Variants in RHOA observed in about 807,000 individuals in gnomAD.
RHOA encodes transforming protein RhoA.
RHOA carries 3 observed loss-of-function variants against 17.5 expected under a neutral mutation model. The observed-to-expected ratio is 0.17, with a 90% confidence interval of 0.08 to 0.44. RHOA has a LOEUF of 0.44. Among genes scored for constraint, RHOA ranks in the 20% least tolerant of loss-of-function variants. The pLI is 0.99. For missense variants in RHOA, 56 were observed against 242.3 expected (o/e 0.23, Z 5.10); for synonymous variants, 98 against 88.4 (o/e 1.11, Z -0.61).
At chr3:49,385,968 T>G (rs1431524666) in intron 1 of RHOA, among the ~76,000 whole-genome samples, 1 of 152,206 alleles carries the variant, frequency 6.6e-6, no homozygotes, top group Non-Finnish European at 1.5e-5. Flanking sequence ...ACCACAGTCT[T>G]GATTACTGTT....
chr3:49,382,916 G>A (rs1224516277), intron 1 of RHOA, among the ~76,000 whole-genome samples: 2 of 151,816 alleles, frequency 1.3e-5, no homozygotes, highest in Admixed American at 1.3e-4. Context: ...TTAGGTGGGC[G>A]TGGTGGTGGG....
chr3:49,365,664 C>G (rs2048043867), intron 3 of RHOA, among the ~76,000 whole-genome samples: 1 of 148,702 alleles, frequency 6.7e-6, no homozygotes, highest in Non-Finnish European at 1.5e-5. Flanking sequence ...GATCTCGGCT[C>G]ACTGCAACCT....
At chr3:49,395,051 C>T (rs1042063130) in intron 1 of RHOA, among the ~76,000 whole-genome samples, 1 of 151,324 alleles carries the variant, frequency 6.6e-6, no homozygotes, top group Admixed American at 6.6e-5. Context: ...AGATCGAGAC[C>T]ATCTTGGCTA....
At chr3:49,375,363 T>C (rs1259359475) in intron 2 of RHOA, 71 bp downstream of exon 2, 3 of 1,468,080 alleles carry the variant, frequency 2.0e-6, no homozygotes, top group Admixed American at 4.3e-5. Context: ...CAAAAAGCTC[T>C]AATTCTCTAC....
At chr3:49,364,488 AAAC>A (rs1419577666) in intron 3 of RHOA, among the ~76,000 whole-genome samples, 1 of 151,806 alleles carries the variant, frequency 6.6e-6, no homozygotes, top group African/African-American at 2.4e-5. Context: ...TCCGTCTCAA[AAAC>A]AACAAAACAA....
intron 1 of RHOA, among the ~76,000 whole-genome samples, chr3:49,409,929 G>A (rs2048904341): frequency 1.3e-5 from 2 of 152,018 alleles, no homozygotes; most frequent in Admixed American, 6.6e-5. Context: ...TAAAGTGTAG[G>A]CCTTGCTCTA....
At chr3:49,371,281 G>GTT (rs34744152) in intron 2 of RHOA, among the ~76,000 whole-genome samples, 31 of 138,708 alleles carry the variant, frequency 2.2e-4, no homozygotes, top group African/African-American at 4.5e-4. Flanking sequence ...ATTGCCTACT[G>GTT]TTTTTTTTTT....
intron 1 of RHOA, among the ~76,000 whole-genome samples, chr3:49,377,611 G>GAAA (rs71077801): frequency 7.0e-6 from 1 of 143,640 alleles, no homozygotes; most frequent in African/African-American, 2.6e-5. Flanking sequence ...AGAAGGAAAA[G>GAAA]AAAAAAAAAA....
chr3:49,376,027 G>C (rs1404224784), intron 1 of RHOA, among the ~76,000 whole-genome samples: 1 of 151,774 alleles, frequency 6.6e-6, no homozygotes, highest in Non-Finnish European at 1.5e-5. Context: ...TTTTGATAGA[G>C]ATGGGGTTTC....
chr3:49,390,820 C>T (rs1373049295), intron 1 of RHOA, among the ~76,000 whole-genome samples: 1 of 152,046 alleles, frequency 6.6e-6, no homozygotes, highest in East Asian at 1.9e-4. Context: ...TGGTGGCTCT[C>T]CCCTATAATC....
chr3:49,403,989 C>T (rs2048769782), intron 1 of RHOA, among the ~76,000 whole-genome samples: 1 of 149,282 alleles, frequency 6.7e-6, no homozygotes, highest in Admixed American at 6.9e-5. Context: ...GTACTACAAA[C>T]TGTAACCTGA....
chr3:49,376,716 G>A (rs2048234142), intron 1 of RHOA, among the ~76,000 whole-genome samples: 1 of 151,868 alleles, frequency 6.6e-6, no homozygotes, highest in Non-Finnish European at 1.5e-5. Flanking sequence ...TGATGAAAGG[G>A]AGTACCCAAG....
At chr3:49,393,674 C>CTGTGTGTG (rs200446484) in intron 1 of RHOA, among the ~76,000 whole-genome samples, 21 of 4,340 alleles carry the variant, frequency 4.8e-3, no homozygotes, top group African/African-American at 0.015. Context: ...CAAATTCTCT[C>CTGTGTGTG]TCTGTGTGTG....
intron 1 of RHOA, among the ~76,000 whole-genome samples, chr3:49,409,536 A>G (rs543603050): frequency 6.6e-6 from 1 of 152,326 alleles, no homozygotes; most frequent in Non-Finnish European, 1.5e-5. Context: ...GCTTCAAATT[A>G]GCTCTCTTAG....
At chr3:49,399,569 C>T (rs2048686459) in intron 1 of RHOA, among the ~76,000 whole-genome samples, 1 of 149,574 alleles carries the variant, frequency 6.7e-6, no homozygotes, top group Non-Finnish European at 1.5e-5. Flanking sequence ...TAGAATAGTA[C>T]ACAGGAGCTT....
intron 1 of RHOA, among the ~76,000 whole-genome samples, chr3:49,391,252 T>C (rs1029625279): frequency 3.8e-4 from 56 of 146,906 alleles, no homozygotes; most frequent in African/African-American, 1.4e-3. Flanking sequence ...ATTAGCCAGG[T>C]GTGGTAGTAC....
intron 4 of RHOA, 41 bp from the exon 5 acceptor site, chr3:49,360,423 G>A: frequency 6.4e-7 from 1 of 1,562,524 alleles, no homozygotes; most frequent in African/African-American, 1.4e-5. Context: ...CTAATAGTGT[G>A]GCATACATAT....
intron 1 of RHOA, among the ~76,000 whole-genome samples, chr3:49,408,037 G>C (rs2048864017): frequency 6.6e-6 from 1 of 151,914 alleles, no homozygotes; most frequent in Admixed American, 6.6e-5. Flanking sequence ...GCGCATGCTG[G>C]TACTCCCAAC....
At chr3:49,363,670 G>A (rs1011853204) in intron 3 of RHOA, among the ~76,000 whole-genome samples, 6 of 151,974 alleles carry the variant, frequency 3.9e-5, no homozygotes, top group Middle Eastern at 3.4e-3. Flanking sequence ...TGGCCAACAT[G>A]GCGAAACCTC....
Sources: allele counts gnomAD v4.1 joint callset (sites outside exome capture counted in the v4.1 genomes callset), GRCh38; gene constraint gnomAD v4.1.1; transcripts MANE v1.5; gene names NCBI Gene and HGNC (gene_info 2026-07-23, HGNC 2026-07-21).